Variants in POC1B observed in about 807,000 individuals in gnomAD.
POC1B encodes POC1 centriolar protein homolog B.
POC1B carries 44 observed loss-of-function variants against 60.6 expected under a neutral mutation model. The ratio of observed to expected loss-of-function variants is 0.73; its 90% CI spans 0.57 to 0.93. POC1B has a LOEUF of 0.93. POC1B is among the 40% of genes least tolerant of loss of function. POC1B has a pLI of 0.00. For synonymous variants in POC1B, 180 were observed against 198.9 expected, an observed-to-expected ratio of 0.90 and a Z score of 0.80; for missense variants, 555 against 572.3, an observed-to-expected ratio of 0.97 and a Z score of 0.31.
At chr12:89,464,063 C>G (rs1882580705) in intron 9 of POC1B, among the ~76,000 whole-genome samples, 1 of 152,100 alleles carries the variant, frequency 6.6e-6, no homozygotes. Context: ...TCACTGCAAA[C>G]AGAGAAAGAA....
intron 11 of POC1B, among the ~76,000 whole-genome samples, chr12:89,423,716 G>C (rs1001640150): frequency 6.6e-6 from 1 of 152,172 alleles, no homozygotes; most frequent in Admixed American, 6.6e-5. Flanking sequence ...TGTTGTGCCT[G>C]CTTCTAACCT....
At chr12:89,491,828 T>C (rs1868992212) in intron 4 of POC1B, 108 bp downstream of exon 4, 4 of 907,046 alleles carry the variant, frequency 4.4e-6, no homozygotes, top group Middle Eastern at 2.8e-4. Flanking sequence ...CAAATATCTG[T>C]TGAATGAATG....
intron 10 of POC1B, chr12:89,427,270 G>A (rs1340368113): frequency 2.0e-5 from 3 of 152,160 alleles, no homozygotes; most frequent in Admixed American, 2.0e-4. Flanking sequence ...TTTTTGACAA[G>A]GTTGCCAAGA....
chr12:89,466,403 A>G (rs1592605825), intron 9 of POC1B, among the ~76,000 whole-genome samples: 1 of 152,130 alleles, frequency 6.6e-6, no homozygotes, highest in Non-Finnish European at 1.5e-5. Flanking sequence ...GTTTTAAGCT[A>G]CCTATTTCAA....
At chr12:89,523,038 T>C (rs370640380) in intron 2 of POC1B, 6 of 1,613,734 alleles carry the variant, frequency 3.7e-6, no homozygotes, top group Non-Finnish European at 5.1e-6. Context: ...CAGGTACCTC[T>C]GCACATAACT....
the POC1B span, among the ~76,000 whole-genome samples, chr12:89,404,155 A>G: frequency 6.6e-6 from 1 of 151,166 alleles, no homozygotes; most frequent in Admixed American, 6.6e-5. Context: ...AAAAGTCCAG[A>G]GTTTCAATAT....
At chr12:89,446,736 A>C (rs765938758) in intron 10 of POC1B, among the ~76,000 whole-genome samples, 3 of 152,084 alleles carry the variant, frequency 2.0e-5, no homozygotes, top group African/African-American at 4.8e-5. Flanking sequence ...AAAAAAAGAA[A>C]AACATTTTGA....
the POC1B span, among the ~76,000 whole-genome samples, chr12:89,407,148 CAAAAAAAAAAAAA>C: frequency 3.2e-5 from 2 of 63,386 alleles, no homozygotes; most frequent in South Asian, 8.1e-4. Context: ...GACTCCGTCT[CAAAAAAAAAAAAA>C]AAAAAAAAAA....
chr12:89,450,953 G>A (rs1882017431), intron 10 of POC1B, among the ~76,000 whole-genome samples: 1 of 152,144 alleles, frequency 6.6e-6, no homozygotes, highest in Admixed American at 6.5e-5. Context: ...GTCTGTAAAT[G>A]CTAAAAGGGA....
chr12:89,469,705 C>T (rs1368592177), intron 7 of POC1B, among the ~76,000 whole-genome samples: 1 of 152,070 alleles, frequency 6.6e-6, no homozygotes, highest in East Asian at 1.9e-4. Flanking sequence ...GGGACAGCCT[C>T]CACATGAAGG....
intron 8 of POC1B, among the ~76,000 whole-genome samples, 173 bp from the exon 9 acceptor site, chr12:89,467,095 G>A (rs1882714504): frequency 6.6e-6 from 1 of 152,094 alleles, no homozygotes; most frequent in African/African-American, 2.4e-5. Flanking sequence ...TTGAGGGAGA[G>A]ATTTAACATT....
chr12:89,471,838 G>C, intron 5 of POC1B, 109 bp from the exon 6 acceptor site: 5 of 665,270 alleles, frequency 7.5e-6, no homozygotes, highest in Non-Finnish European at 9.8e-6. Flanking sequence ...CGCAATGTCA[G>C]CTCACCGCAA....
intron 4 of POC1B, among the ~76,000 whole-genome samples, chr12:89,488,522 C>G (rs1012286293): frequency 1.3e-5 from 2 of 152,134 alleles, no homozygotes; most frequent in Non-Finnish European, 1.5e-5. Context: ...GAGTCTAGCT[C>G]TGTTGCCCAG....
Position 89,459,671 on chromosome 12 carries a change from AG to A in POC1B, c.1079del (p.Pro360LeufsTer33). On this transcript the variant is annotated frameshift_variant, in exon 10 of 12. Coordinates refer to ENST00000313546, the MANE Select transcript of POC1B (RefSeq NM_172240.3). LOFTEE classifies it high-confidence loss of function. ...EVIDLQISTP[P>X]VMDILSFDST... is the part of the protein sequence containing the mutation. ...AATCAAAAGAAAGGATATCCATAAC[AG>A]GGGGAGTAGAGATCTGCAAATCGAT... 2 of 1,535,548 alleles carry A rather than the reference AG, an allele frequency of 1.3e-6. No individual in the cohort carries two copies. The highest frequency in any genetic ancestry group is 1.8e-6 in the Non-Finnish European group (2 of 1,140,850).
chr12:89,515,348 GGT>G, intron 2 of POC1B, among the ~76,000 whole-genome samples: 1 of 151,880 alleles, frequency 6.6e-6, no homozygotes, highest in Non-Finnish European at 1.5e-5. Context: ...TCCCCAGGCT[GGT>G]CTCAAACTCC....
intron 4 of POC1B, among the ~76,000 whole-genome samples, chr12:89,483,583 A>G (rs1403425544): frequency 1.3e-5 from 2 of 152,148 alleles, no homozygotes; most frequent in African/African-American, 4.8e-5. Context: ...CACCTCCCCA[A>G]GGCCCCATCT....
chr12:89,408,845 G>A, the POC1B span, among the ~76,000 whole-genome samples: 7 of 152,070 alleles, frequency 4.6e-5, no homozygotes, highest in African/African-American at 1.4e-4. Flanking sequence ...ATCTTATTGC[G>A]GTTTTGATTT....
chr12:89,465,397 A>G (rs1209343135), intron 9 of POC1B, among the ~76,000 whole-genome samples: 1 of 152,162 alleles, frequency 6.6e-6, no homozygotes, highest in Admixed American at 6.5e-5. Flanking sequence ...CTGCCACCCA[A>G]CACCCTGGAA....
At chr12:89,524,570 C>A in intron 2 of POC1B, 1 of 1,609,284 alleles carries the variant, frequency 6.2e-7, no homozygotes, top group Non-Finnish European at 8.5e-7. Context: ...AGGGCTGAGG[C>A]GCAGACGCGG....
Sources: gnomAD v4.1 joint callset for allele counts (sites outside exome capture counted in the v4.1 genomes callset) on GRCh38, gnomAD v4.1.1 for gene constraint, MANE v1.5 for transcripts, NCBI Gene and HGNC (gene_info 2026-07-23, HGNC 2026-07-21) for gene names.